Variants in DNAJC5B observed in about 807,000 individuals in gnomAD.
DNAJC5B encodes DnaJ heat shock protein family (Hsp40) member C5 beta.
DNAJC5B carries 23 observed loss-of-function variants against 24.7 expected under a neutral mutation model. The ratio of observed to expected loss-of-function variants is 0.93; its 90% CI spans 0.67 to 1.32. The LOEUF is 1.32. Ranked by LOEUF, DNAJC5B falls within the 40% of genes most tolerant of loss-of-function variation. The probability of loss-of-function intolerance (pLI) is 0.00; values close to 1 mark genes in which losing one functional copy is unlikely to be tolerated. For missense variants in DNAJC5B, 238 were observed against 240.8 expected, an observed-to-expected ratio of 0.99 and a Z score of 0.08; for synonymous variants, 101 against 90.1, an observed-to-expected ratio of 1.12 and a Z score of -0.68.
chr8:66,051,973 T>C (rs770308388), intron 3 of DNAJC5B, among the ~76,000 whole-genome samples: 12 of 152,050 alleles, frequency 7.9e-5, no homozygotes, highest in Admixed American at 1.3e-4. Context: ...TCATTTTTTT[T>C]TTTCTTTCTT....
At chr8:66,029,197 T>C (rs910846551) in intron 1 of DNAJC5B, among the ~76,000 whole-genome samples, 3 of 152,174 alleles carry the variant, frequency 2.0e-5, no homozygotes, top group East Asian at 1.9e-4. Context: ...TTTAAAAAAT[T>C]TGACCCTTTG....
chr8:66,045,291 A>T lies in DNAJC5B; in HGVS notation c.-18+1680A>T, dbSNP rs72650555. On this transcript the variant is annotated intron_variant, in intron 2 of 5. Transcript: ENST00000276570. ...TTTAAAAAAGTTTCTTCATTAAAAG[A>T]TGTTGTCTGTCTGAAAGGAAATATT... Among the ~76,000 whole-genome samples the T allele has an allele frequency of 3.2e-3, 488 of 152,340 alleles. 2 individuals carry two copies. The highest frequency in any genetic ancestry group is 8.8e-3 in the Admixed American group (135 of 15,300).
chr8:66,051,062 C>T (rs1368077741), intron 2 of DNAJC5B, among the ~76,000 whole-genome samples: 1 of 152,202 alleles, frequency 6.6e-6, no homozygotes, highest in Admixed American at 6.5e-5. Flanking sequence ...ATTTCTTGAA[C>T]TTATTCCTCC....
intron 1 of DNAJC5B, among the ~76,000 whole-genome samples, chr8:66,043,056 G>C (rs1331540585): frequency 6.6e-6 from 1 of 152,156 alleles, no homozygotes; most frequent in Non-Finnish European, 1.5e-5. Context: ...ACATTAGCAA[G>C]AGATGCCTTA....
At chr8:66,021,106 G>T (rs1370075431), upstream of DNAJC5B, among the ~76,000 whole-genome samples, 3 of 152,186 alleles carry the variant, frequency 2.0e-5, no homozygotes, top group East Asian at 3.8e-4. Flanking sequence ...CACCTGTGTT[G>T]CTGGGGAAAC....
At chr8:66,057,238 A>G (rs2128960699) in intron 3 of DNAJC5B, 1 of 152,338 alleles carries the variant, frequency 6.6e-6, no homozygotes, top group South Asian at 2.1e-4. Flanking sequence ...CTCAGTGAAG[A>G]AATAGGAATT....
At chr8:66,017,460 A>T (rs554155675), upstream of DNAJC5B, among the ~76,000 whole-genome samples, 1 of 152,370 alleles carries the variant, frequency 6.6e-6, no homozygotes, top group South Asian at 2.1e-4. Context: ...CAACAGAAAG[A>T]TCTTTCTGAT....
At chr8:66,068,170 C>T (rs1037235883) in intron 3 of DNAJC5B, among the ~76,000 whole-genome samples, 2 of 152,074 alleles carry the variant, frequency 1.3e-5, no homozygotes, top group Non-Finnish European at 2.9e-5. Flanking sequence ...CAATGTTTGA[C>T]ACAGAGATAA....
intron 2 of DNAJC5B, among the ~76,000 whole-genome samples, chr8:66,048,935 A>G (rs983025386): frequency 6.6e-6 from 1 of 152,182 alleles, no homozygotes; most frequent in Non-Finnish European, 1.5e-5. Context: ...CTCTAATGGC[A>G]TGGTTCCCAA....
intron 5 of DNAJC5B, among the ~76,000 whole-genome samples, chr8:66,094,049 C>CT (rs952534112): frequency 1.3e-4 from 19 of 151,122 alleles, no homozygotes; most frequent in East Asian, 5.8e-4. Flanking sequence ...GTCCGTTGGT[C>CT]TTTTTTTTTA....
At chr8:66,039,012 C>T (rs1160787916) in intron 1 of DNAJC5B, among the ~76,000 whole-genome samples, 2 of 152,236 alleles carry the variant, frequency 1.3e-5, no homozygotes, top group Non-Finnish European at 2.9e-5. Flanking sequence ...GACACTAGAA[C>T]TGTGAGTTAG....
upstream of DNAJC5B, among the ~76,000 whole-genome samples, chr8:66,018,290 G>A (rs895345573): frequency 4.6e-5 from 7 of 152,102 alleles, no homozygotes; most frequent in African/African-American, 9.7e-5. Flanking sequence ...AGGCCGAGGC[G>A]GGTGGATCAC....
intron 1 of DNAJC5B, among the ~76,000 whole-genome samples, chr8:66,026,561 C>A (rs1237222577): frequency 6.6e-6 from 1 of 152,262 alleles, no homozygotes; most frequent in Non-Finnish European, 1.5e-5. Context: ...CCTTGGCAGG[C>A]GGCCACACTG....
the DNAJC5B span, among the ~76,000 whole-genome samples, chr8:66,015,950 G>A: frequency 6.6e-6 from 1 of 152,136 alleles, no homozygotes. Context: ...AATTGAGATT[G>A]GAGACTGTCT....
chr8:66,070,445 C>T (rs997164629), intron 3 of DNAJC5B, among the ~76,000 whole-genome samples: 1 of 152,158 alleles, frequency 6.6e-6, no homozygotes, highest in Non-Finnish European at 1.5e-5. Flanking sequence ...TGAGTGAACT[C>T]CCTTTCACAA....
intron 3 of DNAJC5B, among the ~76,000 whole-genome samples, chr8:66,052,975 G>C (rs1806884468): frequency 6.6e-6 from 1 of 152,124 alleles, no homozygotes. Flanking sequence ...GAGTGCAGTG[G>C]TCTGATCATA....
At chr8:66,061,699 T>C (rs79202546) in intron 3 of DNAJC5B, among the ~76,000 whole-genome samples, 4,478 of 152,176 alleles carry the variant, frequency 0.029, 83 homozygotes, top group Non-Finnish European at 0.045. Flanking sequence ...TTTAAAAGAA[T>C]GTTACAACTG....
Position 66,076,768 on chromosome 8 carries a change from GA to G in DNAJC5B, c.229del (p.Arg77GlufsTer44). ...AHAILTDISK[R>X]SIYDKYGSLG... ...ACGCAATACTTACCGACATTTCAAAGAGAAGCATATACGACAAGTACGGATC... is the reference window on the plus strand; with the variant it reads ...ACGCAATACTTACCGACATTTCAAAGGAAGCATATACGACAAGTACGGATC... On this transcript the variant is annotated frameshift_variant, in exon 4 of 6. Coordinates refer to ENST00000276570, the MANE Select transcript of DNAJC5B (RefSeq NM_033105.6). LOFTEE classifies it high-confidence loss of function. 6.2e-7 allele frequency: 1 copy of G among 1,614,206 alleles called. No homozygotes were observed. The highest frequency in any genetic ancestry group is 1.7e-5 in the Admixed American group (1 of 60,030).
chr8:66,080,347 C>A (rs1266689717), intron 4 of DNAJC5B, 30 bp from the exon 5 acceptor site: 2 of 1,597,602 alleles, frequency 1.3e-6, no homozygotes, highest in Middle Eastern at 2.1e-4. Context: ...CACCCCTCAT[C>A]CTCATTTTGC....
Sources: allele counts gnomAD v4.1 joint callset (sites outside exome capture counted in the v4.1 genomes callset), GRCh38; gene constraint gnomAD v4.1.1; transcripts MANE v1.5; gene names NCBI Gene and HGNC (gene_info 2026-07-23, HGNC 2026-07-21).